Variants in RSAD1 observed in about 807,000 individuals in gnomAD.
RSAD1 encodes radical S-adenosyl methionine domain containing 1.
In RSAD1, 34 loss-of-function variants were observed where a neutral mutation model predicts 46.2. The ratio of observed to expected loss-of-function variants is 0.74; its 90% CI spans 0.56 to 0.98. The LOEUF is 0.98. Among genes scored for constraint, RSAD1 ranks in the 50% least tolerant of loss-of-function variants. The pLI, the probability that RSAD1 is intolerant of heterozygous loss-of-function variation, is 0.00. For missense variants in RSAD1, 635 were observed against 592.3 expected (o/e 1.07, Z -0.75); for synonymous variants, 260 against 253.5 (o/e 1.03, Z -0.24).
chr17:50,484,529 C>A lies in RSAD1; in HGVS notation c.1195C>A (p.Leu399Met). 6.2e-7 allele frequency: 1 copy of A among 1,613,384 alleles called. No individual in the cohort carries two copies. Among genetic ancestry groups the A allele is most frequent in the Non-Finnish European group, 8.5e-7 (1 of 1,179,988 alleles). Residue 399 changes from leucine to methionine, a missense_variant, in exon 8 of 9, where the codon CTG becomes ATG. By Grantham distance (15) the Leu-to-Met change is conservative. Coordinates refer to ENST00000258955, the MANE Select transcript of RSAD1 (RefSeq NM_018346.3). The stretch of plus-strand genomic sequence containing the variant: ...GCAGGAGCTGCTGGAGCGGGGCCTA[C>A]TGCAGCTGGATCACAGGTGTGTTGG... ...EVQELLERGL[L>M]QLDHRGLRCS...
chr17:50,484,097 A>G (rs1182080723), intron 7 of RSAD1: 1 of 439,650 alleles, frequency 2.3e-6, no homozygotes, highest in Admixed American at 4.1e-5. Flanking sequence ...GGGAGCACTG[A>G]AACCTCTCAT....
At chr17:50,479,812 G>T (rs2033359163) in intron 2 of RSAD1, 50 bp downstream of exon 2, 1 of 1,589,410 alleles carries the variant, frequency 6.3e-7, no homozygotes, top group Admixed American at 1.7e-5. Flanking sequence ...TTGGAGGAGT[G>T]GTGGGGGATA....
Position 50,480,018 on chromosome 17 carries a change from A to T in RSAD1, c.408A>T (p.Ser136=), listed in dbSNP as rs765433302. ...LEVTLEANPT[S]APGSRLAEFG... is the part of the protein sequence containing the mutation. ...TCACATTGGAGGCTAATCCTACTTC[A>T]GCTCCGGGCTCCAGACTGGCAGAGT... The change falls in exon 3 of 9, where the codon TCA becomes TCT. Residue 136 remains serine, a synonymous_variant. Transcript: ENST00000258955. 1 of 1,614,166 alleles carries T rather than the reference A, an allele frequency of 6.2e-7. No individual in the cohort carries two copies. Among genetic ancestry groups the T allele is most frequent in the South Asian group, 1.1e-5 (1 of 91,088 alleles).
chr17:50,484,247 G>C (rs574594686), intron 7 of RSAD1, 195 bp from the exon 8 acceptor site: 2 of 570,346 alleles, frequency 3.5e-6, no homozygotes, highest in African/African-American at 3.8e-5. Flanking sequence ...TGGAAGCTGG[G>C]TTCCAGTCTC....
At chr17:50,482,556 T>G (rs2033394660) in intron 4 of RSAD1, 87 bp from the exon 5 acceptor site, 1 of 1,612,328 alleles carries the variant, frequency 6.2e-7, no homozygotes, top group South Asian at 1.1e-5. Flanking sequence ...GCCGAGATGG[T>G]GGGACATTCT....
At chr17:50,480,551 C>G (rs533932739) in intron 3 of RSAD1, 1 of 190,242 alleles carries the variant, frequency 5.3e-6, no homozygotes, top group Admixed American at 5.3e-5. Flanking sequence ...GTGGGGGAAA[C>G]GACACAGGCC....
intron 3 of RSAD1, chr17:50,480,334 A>C (rs917767813): frequency 1.9e-6 from 1 of 525,224 alleles, no homozygotes; most frequent in Non-Finnish European, 3.4e-6. Flanking sequence ...GGCACATAGT[A>C]GGTGGTCAAA....
intron 5 of RSAD1, among the ~76,000 whole-genome samples, 168 bp from the exon 6 acceptor site, chr17:50,483,172 C>CA (rs71353643): frequency 0.014 from 969 of 68,342 alleles, 15 homozygotes; most frequent in Non-Finnish European, 0.019. Context: ...GACACCACCT[C>CA]AAAAAAAAAA....
chr17:50,479,062 C>T, intron 1 of RSAD1, 43 bp downstream of exon 1: 1 of 1,301,112 alleles, frequency 7.7e-7, no homozygotes, highest in Non-Finnish European at 9.8e-7. Flanking sequence ...GTGGCCGCAG[C>T]CCTGGCCGTG....
chr17:50,482,758 T>C, intron 5 of RSAD1, 52 bp downstream of exon 5: 1 of 1,559,302 alleles, frequency 6.4e-7, no homozygotes. Flanking sequence ...ATGTCGTGGC[T>C]GTGTGAACTT....
chr17:50,479,712 G>A lies in RSAD1; in HGVS notation c.219G>A (p.Lys73=). 6.2e-7 allele frequency: 1 copy of A among 1,613,784 alleles called. No homozygotes were observed. Among genetic ancestry groups the A allele is most frequent in the East Asian group, 2.2e-5 (1 of 44,886 alleles). ...GCCTGGAGGAGGCTGCCATGCAGAA[G>A]TGTCTGGTGACCGAAGCTCAGACGC... The part of the protein sequence containing the change: ...PRRLEEAAMQ[K]CLVTEAQTLL... Residue 73 remains lysine (K), a synonymous_variant, in exon 2 of 9, where the codon AAG becomes AAA. Transcript: ENST00000258955.
Position 50,479,007 on chromosome 17 carries a change from G to C in RSAD1, c.123G>C (p.Ala41=), listed in dbSNP as rs1384298811. The change falls in exon 1 of 9, where the codon GCG becomes GCC. Residue 41 remains alanine, a synonymous_variant. Transcript: ENST00000258955. ...CTGAGCCTGCGGGCCGGCGCGCGGC[G>C]CTTTACGTACACGTGAGTAGGGGCG... ...PSPEPAGRRA[A]LYVHWPYCEK... The C allele has an allele frequency of 6.6e-6, 9 of 1,366,738 alleles. No individual in the cohort carries two copies. Among genetic ancestry groups the C allele is most frequent in the Middle Eastern group, 2.2e-4 (1 of 4,458 alleles). 84.7% of individuals were successfully genotyped at this position (1,366,738 alleles called of 1,614,324 possible). A position where few individuals can be genotyped will look rare whatever the true frequency, so the allele number is the denominator to read the frequency against.
Position 50,482,464 on chromosome 17 carries a change from C to A in RSAD1, c.840+8C>A. 3 of 1,595,144 alleles carry A rather than the reference C, an allele frequency of 1.9e-6. No individual in the cohort carries two copies. Among genetic ancestry groups the A allele is most frequent in the Non-Finnish European group, 2.6e-6 (3 of 1,174,024 alleles). On this transcript the variant is annotated splice_region_variant and intron_variant, in intron 4 of 8. Coordinates refer to ENST00000258955, the MANE Select transcript of RSAD1 (RefSeq NM_018346.3). ...TCCAACTTTGCCCGGAATGTAAGTT[C>A]TGGGGCTGATGGCTGGAGGTGGAGG...
Position 50,483,762 on chromosome 17 carries a change from T to A in RSAD1, c.1107+2T>A. On this transcript the variant is annotated splice_donor_variant, in intron 7 of 8. Coordinates refer to ENST00000258955, the MANE Select transcript of RSAD1 (RefSeq NM_018346.3). LOFTEE classifies it high-confidence loss of function. ...ACCGATGTGGGGATCACTCACCAGG[T>A]AAGGAGTTAGGATTCTTGCACACCA... 1 of 1,606,362 alleles carries A rather than the reference T, an allele frequency of 6.2e-7. No individual in the cohort carries two copies. The highest frequency in any genetic ancestry group is 8.5e-7 in the Non-Finnish European group (1 of 1,177,868).
In RSAD1 at chr17:50,482,409, C is replaced by T. The variant is rs767418452; in HGVS notation, c.793C>T (p.Arg265Trp). The T allele has an allele frequency of 5.0e-6, 8 of 1,589,844 alleles. No individual in the cohort carries two copies. The South Asian group carries it at 5.7e-5, about 11-fold the overall frequency. Residue 265 changes from arginine to tryptophan, a missense_variant, in exon 4 of 9, where the codon CGG (arginine) becomes TGG (tryptophan). Coordinates refer to ENST00000258955, the MANE Select transcript of RSAD1 (RefSeq NM_018346.3). The stretch of plus-strand genomic sequence containing the variant: ...GTACCAGAGGGGCCGGGCTGTCCTT[C>T]GGGAGGCTGGCTTCCACCAGTATGA... ...EMYQRGRAVL[R>W]EAGFHQYEVS...
chr17:50,479,317 CT>C, intron 1 of RSAD1: 1 of 490,568 alleles, frequency 2.0e-6, no homozygotes, highest in Non-Finnish European at 3.6e-6. Context: ...GACTCGGTAG[CT>C]GGGAAAATGG....
intron 3 of RSAD1, 83 bp downstream of exon 3, chr17:50,480,167 A>G (rs766398665): frequency 7.0e-7 from 1 of 1,435,874 alleles, no homozygotes; most frequent in Non-Finnish European, 9.8e-7. Context: ...TCATTGGGCA[A>G]ACATTGATTG....
Position 50,479,992 on chromosome 17 carries a change from G to T in RSAD1, c.382G>T (p.Val128Phe), listed in dbSNP as rs375252414. 1.9e-6 allele frequency: 3 copies of T among 1,614,108 alleles called. No individual in the cohort carries two copies. The African/African-American group carries it at 4.0e-5, about 22-fold the overall frequency. ...AGCCCACCTGCCTGCAGACTTGGAA[G>T]TCACATTGGAGGCTAATCCTACTTC... ...QAAHLPADLE[V>F]TLEANPTSAP... is the part of the protein sequence containing the mutation. The change falls in exon 3 of 9, where the codon GTC becomes TTC. Residue 128 changes from valine to phenylalanine, a missense_variant. By Grantham distance (50) the Val-to-Phe change is conservative. Coordinates refer to ENST00000258955, the MANE Select transcript of RSAD1 (RefSeq NM_018346.3).
In RSAD1 at chr17:50,479,639, G is replaced by GGGA. The variant is rs2033354419; in HGVS notation, c.146_147insGGA (p.Cys49delinsTrpAsp). ...ACTCACTGCCCCCAGTGGCCTTACT[G>GGGA]CGAGAAGCGCTGCAGTTACTGCAAC... On this transcript the variant is annotated protein_altering_variant, in exon 2 of 9. Coordinates refer to ENST00000258955, the MANE Select transcript of RSAD1 (RefSeq NM_018346.3). 6.2e-7 allele frequency: 1 copy of GGGA among 1,613,600 alleles called. No individual in the cohort carries two copies. The highest frequency in any genetic ancestry group is 8.5e-7 in the Non-Finnish European group (1 of 1,180,042).
Sources: allele counts gnomAD v4.1 joint callset (sites outside exome capture counted in the v4.1 genomes callset), GRCh38; gene constraint gnomAD v4.1.1; transcripts MANE v1.5; gene names NCBI Gene and HGNC (gene_info 2026-07-23, HGNC 2026-07-21).